The following SPECC1 variants were observed in gnomAD, a reference collection of about 807,000 sequenced individuals.
SPECC1 encodes the protein cytospin-B.
SPECC1 carries 62 observed loss-of-function variants against 104.1 expected under a neutral mutation model. The observed-to-expected ratio is 0.60, with a 90% CI of 0.49 to 0.74. The LOEUF (loss-of-function observed/expected upper bound fraction) is 0.74. SPECC1 is among the 30% of genes least tolerant of loss of function. The pLI, the probability that SPECC1 is intolerant of heterozygous loss-of-function variation, is 0.00. For missense variants in SPECC1, 1,306 were observed against 1,310.5 expected, an observed-to-expected ratio of 1.00 and a Z score of 0.05; for synonymous variants, 513 against 501.6, an observed-to-expected ratio of 1.02 and a Z score of -0.30.
intron 1 of SPECC1, among the ~76,000 whole-genome samples, chr17:20,045,955 A>G (rs2045523561): frequency 6.6e-6 from 1 of 151,712 alleles, no homozygotes; most frequent in African/African-American, 2.4e-5. Context: ...ATTGGAAGAT[A>G]TGCTTATCTT....
intron 2 of SPECC1, 49 bp downstream of exon 2, chr17:20,096,847 G>A (rs748325934): frequency 5.7e-6 from 9 of 1,576,176 alleles, no homozygotes; most frequent in Non-Finnish European, 7.8e-6. Flanking sequence ...GATACCCTGG[G>A]TTGGGAGGAT....
intron 3 of SPECC1, among the ~76,000 whole-genome samples, chr17:20,121,564 TG>T (rs2049034112): frequency 6.6e-6 from 1 of 152,136 alleles, no homozygotes; most frequent in Non-Finnish European, 1.5e-5. Context: ...CTTGAACTCC[TG>T]GGCTCCTCCT....
At chr17:20,171,014 A>T (rs116587843) in intron 3 of SPECC1, among the ~76,000 whole-genome samples, 6,284 of 152,286 alleles carry the variant, frequency 0.041, 153 homozygotes, top group Middle Eastern at 0.065. Context: ...TAAGCAGTCT[A>T]ACCTTTTGAT....
intron 7 of SPECC1, among the ~76,000 whole-genome samples, chr17:20,235,899 G>A (rs569797799): frequency 2.1e-4 from 32 of 152,166 alleles, no homozygotes; most frequent in Non-Finnish European, 3.8e-4. Flanking sequence ...GTGTGGCAGC[G>A]CAGCACGTGC....
intron 12 of SPECC1, among the ~76,000 whole-genome samples, chr17:20,293,995 T>G (rs946194890): frequency 9.2e-5 from 14 of 152,028 alleles, no homozygotes; most frequent in Admixed American, 8.5e-4. Flanking sequence ...TTTTTTTTGT[T>G]TTTGTTTTTT....
intron 1 of SPECC1, among the ~76,000 whole-genome samples, chr17:20,024,026 A>G (rs2044503107): frequency 1.3e-5 from 2 of 152,224 alleles, no homozygotes; most frequent in African/African-American, 4.8e-5. Flanking sequence ...TTAAAAGAGC[A>G]ATACACTTTG....
chr17:20,104,097 T>G (rs920105854), intron 2 of SPECC1, among the ~76,000 whole-genome samples: 2 of 152,196 alleles, frequency 1.3e-5, no homozygotes, highest in Non-Finnish European at 2.9e-5. Context: ...TCAGCATGTT[T>G]GAAGTGGAGG....
At chr17:20,085,970 T>C (rs1476767652) in intron 1 of SPECC1, among the ~76,000 whole-genome samples, 1 of 152,200 alleles carries the variant, frequency 6.6e-6, no homozygotes, top group Non-Finnish European at 1.5e-5. Context: ...AGTTCTGTGT[T>C]CCCCTCTTTT....
intron 1 of SPECC1, among the ~76,000 whole-genome samples, chr17:20,081,328 A>G (rs565827522): frequency 6.6e-6 from 1 of 152,214 alleles, no homozygotes; most frequent in Non-Finnish European, 1.5e-5. Flanking sequence ...TTGAGCAAAC[A>G]AATGAATGAG....
intron 1 of SPECC1, among the ~76,000 whole-genome samples, chr17:20,052,082 A>T (rs1196482950): frequency 6.6e-6 from 1 of 152,242 alleles, no homozygotes; most frequent in African/African-American, 2.4e-5. Context: ...TAGTCACTTT[A>T]TAAATAGCAG....
chr17:20,255,378 AAG>A (rs1312028165), intron 10 of SPECC1, among the ~76,000 whole-genome samples: 2 of 152,226 alleles, frequency 1.3e-5, no homozygotes, highest in Non-Finnish European at 2.9e-5. Flanking sequence ...TGTAGCACAA[AAG>A]AGGGAATAAT....
intron 12 of SPECC1, among the ~76,000 whole-genome samples, chr17:20,273,011 C>G (rs950946119): frequency 6.6e-6 from 1 of 152,332 alleles, no homozygotes; most frequent in Non-Finnish European, 1.5e-5. Context: ...TGACCCCCTC[C>G]CTGGCCTGCG....
At chr17:20,246,659 C>T (rs1005551570) in intron 8 of SPECC1, among the ~76,000 whole-genome samples, 4 of 152,152 alleles carry the variant, frequency 2.6e-5, no homozygotes, top group East Asian at 1.9e-4. Flanking sequence ...GAGAAAGATG[C>T]GTAGCTATAC....
intron 4 of SPECC1, among the ~76,000 whole-genome samples, chr17:20,218,631 C>T (rs991171608): frequency 1.1e-4 from 16 of 151,670 alleles, no homozygotes; most frequent in Non-Finnish European, 1.5e-4. Context: ...CTCCCTTATT[C>T]TTTTTTTCTA....
chr17:20,246,123 G>T, intron 8 of SPECC1, 52 bp downstream of exon 8: 2 of 1,600,282 alleles, frequency 1.2e-6, no homozygotes, highest in South Asian at 2.2e-5. Flanking sequence ...ACTTTGGCCC[G>T]ACATTTGATA....
chr17:20,289,622 T>A (rs1317756587), intron 12 of SPECC1, among the ~76,000 whole-genome samples: 1 of 152,192 alleles, frequency 6.6e-6, no homozygotes, highest in Non-Finnish European at 1.5e-5. Context: ...GGAACACTTT[T>A]ATACTGTTGG....
At chr17:20,156,368 TGTC>T (rs2032527267) in intron 3 of SPECC1, 2 of 1,051,398 alleles carry the variant, frequency 1.9e-6, no homozygotes, top group Non-Finnish European at 2.4e-6. Context: ...GTGTGATTCT[TGTC>T]GTTGGAATGC....
At chr17:20,067,907 T>C (rs1222585887) in intron 1 of SPECC1, among the ~76,000 whole-genome samples, 2 of 152,082 alleles carry the variant, frequency 1.3e-5, no homozygotes, top group Non-Finnish European at 2.9e-5. Flanking sequence ...TCAAGTACTT[T>C]CTGTTTGTGT....
intron 14 of SPECC1, 26 bp from the exon 15 acceptor site, chr17:20,313,950 C>A (rs778204759): frequency 2.5e-6 from 4 of 1,609,206 alleles, no homozygotes; most frequent in Non-Finnish European, 3.4e-6. Context: ...GCCTTGTGAT[C>A]TGTCCCCCAT....
Sources: gnomAD v4.1 joint callset for allele counts (sites outside exome capture counted in the v4.1 genomes callset) on GRCh38, gnomAD v4.1.1 for gene constraint, MANE v1.5 for transcripts, NCBI Gene and HGNC (gene_info 2026-07-23, HGNC 2026-07-21) for gene names.